The following CSMD1 variants were observed in gnomAD, a reference collection of about 807,000 sequenced individuals.
CSMD1 encodes the protein CUB and Sushi multiple domains 1.
A neutral mutation model predicts 417.5 loss-of-function variants in CSMD1; 213 were observed. The ratio of observed to expected loss-of-function variants is 0.51; its 90% CI spans 0.46 to 0.57. The LOEUF (loss-of-function observed/expected upper bound fraction) is 0.57. Ranked by LOEUF, CSMD1 falls within the 20% of genes least tolerant of loss-of-function variation. CSMD1 has a pLI of 0.00. For missense variants in CSMD1, 6,923 were observed against 4,529.7 expected, an observed-to-expected ratio of 1.53 and a Z score of -15.17; for synonymous variants, 2,862 against 1,736.8, an observed-to-expected ratio of 1.65 and a Z score of -16.11.
In CSMD1 at chr8:3,408,069, T is replaced by C. The variant is rs1161990785; in HGVS notation, c.1901A>G (p.Gln634Arg). 73 of 1,613,788 alleles carry C rather than the reference T, an allele frequency of 4.5e-5. No homozygotes were observed. Among genetic ancestry groups the C allele is most frequent in the Non-Finnish European group, 6.1e-5 (72 of 1,179,890 alleles). Residue 634 changes from glutamine to arginine, a missense_variant, in exon 14 of 70, where the codon CAG becomes CGG. By Grantham distance (43) the Gln-to-Arg change is conservative. Coordinates refer to ENST00000635120, the MANE Select transcript of CSMD1 (RefSeq NM_033225.6). ...ATCCTTGACCGCGAGAAAGTCAAAC[T>C]GAGGCTCAACATCAAAATCATTAAA... ...LIFNDFDVEP[Q>R]FDFLAVKDDG... is the part of the protein sequence containing the mutation.
chr8:3,467,935 T>C (rs959075151), intron 12 of CSMD1, among the ~76,000 whole-genome samples: 1 of 152,202 alleles, frequency 6.6e-6, no homozygotes, highest in African/African-American at 2.4e-5. Flanking sequence ...TAGAATAAAA[T>C]ACAGTTCCAA....
intron 3 of CSMD1, among the ~76,000 whole-genome samples, chr8:4,240,129 A>G (rs1026731998): frequency 2.0e-5 from 3 of 152,178 alleles, no homozygotes; most frequent in African/African-American, 7.2e-5. Context: ...TTTTCTATCT[A>G]AAAGTAAAAT....
At chr8:4,904,708 T>C (rs1482439646) in intron 1 of CSMD1, among the ~76,000 whole-genome samples, 1 of 152,094 alleles carries the variant, frequency 6.6e-6, no homozygotes, top group African/African-American at 2.4e-5. Flanking sequence ...TGGAAGAAAG[T>C]AACACAGGTA....
intron 3 of CSMD1, among the ~76,000 whole-genome samples, chr8:4,118,140 G>A (rs1802267878): frequency 6.6e-6 from 1 of 152,000 alleles, no homozygotes; most frequent in South Asian, 2.1e-4. Context: ...AACGGCCCTT[G>A]GCAGACTCTC....
At chr8:4,165,160 AAT>A (rs1459521073) in intron 3 of CSMD1, among the ~76,000 whole-genome samples, 2 of 152,142 alleles carry the variant, frequency 1.3e-5, no homozygotes, top group Non-Finnish European at 2.9e-5. Context: ...TCCACTGCTT[AAT>A]ATGATACCTA....
intron 12 of CSMD1, among the ~76,000 whole-genome samples, chr8:3,410,833 G>A (rs1307779842): frequency 1.3e-5 from 2 of 152,044 alleles, no homozygotes; most frequent in African/African-American, 4.8e-5. Context: ...CCAACTCTGG[G>A]GCTCGAGTGA....
At chr8:3,480,922 C>T (rs188433934) in intron 11 of CSMD1, among the ~76,000 whole-genome samples, 22 of 151,802 alleles carry the variant, frequency 1.4e-4, no homozygotes, top group African/African-American at 2.7e-4. Context: ...TTTGGGAGGC[C>T]GAGGTGAGCG....
intron 3 of CSMD1, among the ~76,000 whole-genome samples, chr8:4,368,731 G>A (rs548559034): frequency 6.6e-6 from 1 of 151,986 alleles, no homozygotes; most frequent in South Asian, 2.1e-4. Context: ...TAGTCTCCTA[G>A]GTTTTCTAGT....
At chr8:4,812,868 G>A (rs1267303266) in intron 1 of CSMD1, among the ~76,000 whole-genome samples, 1 of 152,098 alleles carries the variant, frequency 6.6e-6, no homozygotes. Context: ...TTATCGCTAT[G>A]TTTTATTACA....
intron 7 of CSMD1, among the ~76,000 whole-genome samples, chr8:3,633,910 T>C (rs978159736): frequency 3.3e-5 from 5 of 152,334 alleles, no homozygotes; most frequent in East Asian, 1.9e-4. Flanking sequence ...TTAAAATGCA[T>C]AGGGCATAAA....
At chr8:4,319,296 A>T (rs1490265462) in intron 3 of CSMD1, among the ~76,000 whole-genome samples, 5 of 151,970 alleles carry the variant, frequency 3.3e-5, no homozygotes, top group Non-Finnish European at 7.4e-5. Context: ...CTTGCTTTTA[A>T]ACAGTTTCTT....
intron 9 of CSMD1, among the ~76,000 whole-genome samples, chr8:3,583,397 T>C (rs1447711026): frequency 6.6e-6 from 1 of 151,916 alleles, no homozygotes; most frequent in Non-Finnish European, 1.5e-5. Flanking sequence ...CTAGTAGAAA[T>C]CTATCTTGTA....
intron 23 of CSMD1, among the ~76,000 whole-genome samples, chr8:3,331,010 G>T (rs1174661595): frequency 6.6e-6 from 1 of 151,976 alleles, no homozygotes; most frequent in African/African-American, 2.4e-5. Flanking sequence ...CAGGACTTTG[G>T]GAGGCCGAGG....
chr8:3,634,173 G>C (rs950360952), intron 7 of CSMD1, among the ~76,000 whole-genome samples: 2 of 151,368 alleles, frequency 1.3e-5, no homozygotes, highest in African/African-American at 2.4e-5. Flanking sequence ...GCTTATGAGA[G>C]TGTCTTCGTT....
In CSMD1 at chr8:3,165,580, C is replaced by T. The variant is rs781564476; in HGVS notation, c.5726-3303G>A. ...CTGAGTAGCTGGGACTACAGGTGCC[C>T]GCCACCACGCCCGGCTAATTTTTTT... On this transcript the variant is annotated intron_variant, in intron 37 of 69. Coordinates refer to ENST00000635120, the MANE Select transcript of CSMD1 (RefSeq NM_033225.6). Among the ~76,000 whole-genome samples the T allele has an allele frequency of 8.2e-4, 124 of 151,964 alleles. 1 individual carries two copies. The highest frequency in any genetic ancestry group is 2.5e-3 in the African/African-American group (102 of 41,412).
At chr8:3,798,947 C>T (rs1018366666) in intron 5 of CSMD1, among the ~76,000 whole-genome samples, 1 of 151,894 alleles carries the variant, frequency 6.6e-6, no homozygotes, top group Admixed American at 6.6e-5. Flanking sequence ...TATATAAAAA[C>T]TCTTTAGTAG....
chr8:3,178,694 C>A (rs1291325859), intron 37 of CSMD1, among the ~76,000 whole-genome samples: 1 of 152,008 alleles, frequency 6.6e-6, no homozygotes, highest in Admixed American at 6.5e-5. Context: ...CAAGCGGTAA[C>A]AAGTTTAGAG....
chr8:3,753,320 A>T (rs1797459755), intron 6 of CSMD1, among the ~76,000 whole-genome samples: 1 of 152,222 alleles, frequency 6.6e-6, no homozygotes, highest in South Asian at 2.1e-4. Context: ...ATTACTCATT[A>T]TTAGAAACAT....
chr8:3,668,928 G>A (rs1301756679), intron 7 of CSMD1, among the ~76,000 whole-genome samples: 1 of 152,188 alleles, frequency 6.6e-6, no homozygotes, highest in African/African-American at 2.4e-5. Flanking sequence ...ATAGCTCTTT[G>A]AGAGGCGTGA....
Sources: allele counts gnomAD v4.1 joint callset (sites outside exome capture counted in the v4.1 genomes callset), GRCh38; gene constraint gnomAD v4.1.1; transcripts MANE v1.5; gene names NCBI Gene and HGNC (gene_info 2026-07-23, HGNC 2026-07-21).